Variants in ALDH3B1 observed in about 807,000 individuals in gnomAD.
ALDH3B1 encodes the protein aldehyde dehydrogenase 3 family member B1.
ALDH3B1 carries 37 observed loss-of-function variants against 46.2 expected under a neutral mutation model. The observed-to-expected ratio is 0.80, with a 90% CI of 0.62 to 1.05. The LOEUF is 1.05. ALDH3B1 is among the 50% of genes least tolerant of loss of function. The pLI is 0.00. For synonymous variants in ALDH3B1, 283 were observed against 281.0 expected (o/e 1.01, Z -0.07); for missense variants, 603 against 665.5 (o/e 0.91, Z 1.03).
chr11:68,019,177 T>C lies in ALDH3B1; in HGVS notation c.402T>C (p.Cys134=), dbSNP rs757931987. 7.7e-5 allele frequency: 124 copies of C among 1,612,406 alleles called. No individual in the cohort carries two copies. Among genetic ancestry groups the C allele is most frequent in the Non-Finnish European group, 9.8e-5 (116 of 1,179,414 alleles). Residue 134 remains cysteine (C), a synonymous_variant, in exon 5 of 10, where the codon TGT becomes TGC. Coordinates refer to ENST00000342456, the MANE Select transcript of ALDH3B1 (RefSeq NM_000694.4). ...CCCTGCACTGCCCTGCAGGGAACTG[T>C]GTGGTGCTGAAGCCATCGGAGATTA... ...PLVGALAAGN[C]VVLKPSEISK... is the part of the protein sequence containing the mutation.
At chr11:68,023,156 C>G (rs188899307) in intron 8 of ALDH3B1, among the ~76,000 whole-genome samples, 1 of 152,208 alleles carries the variant, frequency 6.6e-6, no homozygotes, top group South Asian at 2.1e-4. Context: ...GCCCTGATCC[C>G]CTACCCCTGC....
chr11:68,015,215 G>C, intron 1 of ALDH3B1, 82 bp from the exon 2 acceptor site: 3 of 1,396,696 alleles, frequency 2.1e-6, no homozygotes, highest in Non-Finnish European at 2.8e-6. Flanking sequence ...GGTCAGGGGT[G>C]CCCAGACCCT....
At chr11:68,009,910 G>A (rs1590768420), upstream of ALDH3B1, among the ~76,000 whole-genome samples, 1 of 152,032 alleles carries the variant, frequency 6.6e-6, no homozygotes, top group Admixed American at 6.6e-5. Context: ...TGGGAGTGGG[G>A]GGTCGAGACT....
In ALDH3B1 at chr11:68,028,739, T is replaced by C. The variant is rs1272939621; in HGVS notation, c.*800T>C. 1 of 151,214 alleles carries C rather than the reference T, an allele frequency of 6.6e-6. No homozygotes were observed. Among genetic ancestry groups the C allele is most frequent in the East Asian group, 1.9e-4 (1 of 5,148 alleles). The allele number at this position is 151,214 out of a possible 1,614,324, so 9.4% of individuals were successfully genotyped here. A position where few individuals can be genotyped will look rare whatever the true frequency, so the allele number is the denominator to read the frequency against. ...AAGGATGAAATGAAGGATTGAGGGA[T>C]TGAGGGATTGCTGAGCTGGAGCTCC... is the stretch of plus-strand genomic sequence containing the variant. On this transcript the variant is annotated 3_prime_UTR_variant, in exon 10 of 10. Transcript: ENST00000342456.
intron 1 of ALDH3B1, among the ~76,000 whole-genome samples, chr11:68,011,631 C>T (rs577379810): frequency 4.6e-5 from 7 of 152,286 alleles, no homozygotes; most frequent in Non-Finnish European, 8.8e-5. Context: ...CTGAAGTTGG[C>T]CTAGTGATCC....
chr11:68,015,091 C>T (rs1590772296), intron 1 of ALDH3B1: 1 of 523,382 alleles, frequency 1.9e-6, no homozygotes. Context: ...TCTGGGAGTG[C>T]TCACTGTTGG....
In ALDH3B1 at chr11:68,027,895, CT is replaced by C. The variant is rs2134404970; in HGVS notation, c.1364del (p.Leu455ArgfsTer23). The C allele has an allele frequency of 6.4e-7, 1 of 1,562,110 alleles. No individual in the cohort carries two copies. The highest frequency in any genetic ancestry group is 1.4e-5 in the African/African-American group (1 of 73,838). On this transcript the variant is annotated frameshift_variant, in exon 10 of 10. Coordinates refer to ENST00000342456, the MANE Select transcript of ALDH3B1 (RefSeq NM_000694.4). LOFTEE classifies it high-confidence loss of function. ...ATCGCCGCGCCGCCTGAGGATGCTG[CT>C]GGTGGCCATGGAGGCCCAAGGCTGC... is the stretch of plus-strand genomic sequence containing the variant. Reference protein sequence around the residue: ...PQSPRRLRMLLVAMEAQGCSC... With the variant: ...PQSPRRLRMLXVAMEAQGCSC...
chr11:68,010,782 C>T (rs1590769001), intron 1 of ALDH3B1, among the ~76,000 whole-genome samples: 1 of 152,242 alleles, frequency 6.6e-6, no homozygotes, highest in East Asian at 1.9e-4. Context: ...CTTCCAGCAA[C>T]AGCCGTTTCC....
chr11:68,023,067 C>T (rs1857542889), intron 8 of ALDH3B1, among the ~76,000 whole-genome samples: 2 of 152,176 alleles, frequency 1.3e-5, no homozygotes, highest in African/African-American at 4.8e-5. Context: ...GGCCTGGTGG[C>T]CACATGACCC....
At position 68,019,240 on chromosome 11, in the gene ALDH3B1, C is replaced by G; in HGVS notation, c.465C>G (p.Pro155=). 6.2e-7 allele frequency: 1 copy of G among 1,613,090 alleles called. No homozygotes were observed. Among genetic ancestry groups the G allele is most frequent in the Non-Finnish European group, 8.5e-7 (1 of 1,179,570 alleles). ...NVEKILAEVL[P]QYVDQSCFAV... is the part of the protein sequence containing the mutation. ...AGAAGATCCTGGCCGAGGTGCTGCC[C>G]CAATACGTGGACCAGGTGAGCAGGG... The change falls in exon 5 of 10, where the codon CCC becomes CCG. Residue 155 remains proline, a synonymous_variant. Coordinates refer to ENST00000342456, the MANE Select transcript of ALDH3B1 (RefSeq NM_000694.4).
intron 6 of ALDH3B1, among the ~76,000 whole-genome samples, chr11:68,021,095 C>A (rs1345973263): frequency 6.6e-6 from 1 of 152,174 alleles, no homozygotes; most frequent in Non-Finnish European, 1.5e-5. Flanking sequence ...TGGACTCCAT[C>A]CTTGGGTGAT....
At chr11:68,022,540 C>CT in intron 7 of ALDH3B1, 55 bp from the exon 8 acceptor site, 7 of 1,598,428 alleles carry the variant, frequency 4.4e-6, no homozygotes, top group Non-Finnish European at 5.1e-6. Context: ...CTACCCCCAC[C>CT]CTGGGGGCGG....
intron 8 of ALDH3B1, 30 bp from the exon 9 acceptor site, chr11:68,025,979 C>T (rs571082269): frequency 1.5e-5 from 23 of 1,495,514 alleles, no homozygotes; most frequent in Admixed American, 2.1e-5. Context: ...GGGCTCAAGG[C>T]AGCCTCACGC....
Position 68,028,145 on chromosome 11 carries a change from C to T in ALDH3B1, c.*206C>T, listed in dbSNP as rs770326306. On this transcript the variant is annotated 3_prime_UTR_variant, in exon 10 of 10. Coordinates refer to ENST00000342456, the MANE Select transcript of ALDH3B1 (RefSeq NM_000694.4). ...CTCAGCCGCTCCCAACCATGAGAGC[C>T]GAGGTGGGAGGCATGGGAAACAGTG... is the stretch of plus-strand genomic sequence containing the variant. The T allele has an allele frequency of 9.4e-5, 74 of 784,730 alleles. No individual in the cohort carries two copies. Among genetic ancestry groups the T allele is most frequent in the Non-Finnish European group, 1.5e-4 (68 of 442,564 alleles). The allele number at this position is 784,730 out of a possible 1,614,324, so 48.6% of individuals were successfully genotyped here. A position where few individuals can be genotyped will look rare whatever the true frequency, so the allele number is the denominator to read the frequency against.
intron 8 of ALDH3B1, among the ~76,000 whole-genome samples, chr11:68,023,888 T>G (rs541952672): frequency 6.6e-6 from 1 of 152,110 alleles, no homozygotes; most frequent in East Asian, 2.0e-4. Context: ...TGAAACATTT[T>G]TTTAAGATTA....
At chr11:68,022,793 G>T (rs376522491) in intron 8 of ALDH3B1, 32 bp downstream of exon 8, 184 of 1,612,342 alleles carry the variant, frequency 1.1e-4, no homozygotes, top group Non-Finnish European at 1.5e-4. Context: ...GCAGGGTCAG[G>T]AGCCCGCAGT....
In ALDH3B1 at chr11:68,027,800, C is replaced by G; in HGVS notation, c.1268C>G (p.Ser423Cys). The G allele has an allele frequency of 6.4e-7, 1 of 1,559,606 alleles. No individual in the cohort carries two copies. Among genetic ancestry groups the G allele is most frequent in the African/African-American group, 1.3e-5 (1 of 74,138 alleles). ...YHGKFSFDTFSHHRACLLRSP... is the reference protein window; with the variant it reads ...YHGKFSFDTFCHHRACLLRSP... ...GGCAAGTTCTCCTTCGACACCTTCT[C>G]CCACCATCGCGCCTGCCTCCTGCGC... The change falls in exon 10 of 10, where the codon TCC (serine) becomes TGC (cysteine). Residue 423 changes from serine to cysteine, a missense_variant. Physicochemically the swap from Ser to Cys is moderately radical, Grantham distance 112 (BLOSUM62 -1). Transcript: ENST00000342456.
chr11:68,009,358 C>T (rs1189717589), upstream of ALDH3B1, among the ~76,000 whole-genome samples: 1 of 152,186 alleles, frequency 6.6e-6, no homozygotes, highest in Non-Finnish European at 1.5e-5. Flanking sequence ...GGTCTGACCT[C>T]TTTGTTTTGC....
rs368575694 is a variant in ALDH3B1 at position 68,027,060 on chromosome 11, TG to T, written c.1217-687del. ...CCCAGGCCCCCGAGCTGACCCTTCT[TG>T]GTGGCCGTGGCCCCACCCCGGCTTC... On this transcript the variant is annotated intron_variant, in intron 9 of 9. Transcript: ENST00000342456. Among the ~76,000 whole-genome samples the T allele has an allele frequency of 1.7e-3, 257 of 152,154 alleles. 1 individual carries two copies. The highest frequency in any genetic ancestry group is 5.9e-3 in the African/African-American group (245 of 41,498).
Sources: allele counts gnomAD v4.1 joint callset (sites outside exome capture counted in the v4.1 genomes callset), GRCh38; gene constraint gnomAD v4.1.1; transcripts MANE v1.5; gene names NCBI Gene and HGNC (gene_info 2026-07-23, HGNC 2026-07-21).